Variants in PDE4D observed in about 807,000 individuals in gnomAD.
The protein encoded by PDE4D is 3',5'-cyclic-AMP phosphodiesterase 4D.
A neutral mutation model predicts 87.4 loss-of-function variants in PDE4D; 24 were observed. That is an observed-to-expected ratio of 0.27 (90% CI 0.20 to 0.39). The LOEUF (loss-of-function observed/expected upper bound fraction) is 0.39. Ranked by LOEUF, PDE4D falls within the 10% of genes least tolerant of loss-of-function variation. The probability of loss-of-function intolerance (pLI) is 1.00; values close to 1 mark genes in which losing one functional copy is unlikely to be tolerated. For synonymous variants in PDE4D, 384 were observed against 383.2 expected (o/e 1.00, Z -0.02); for missense variants, 714 against 1,041.0 (o/e 0.69, Z 4.32).
At chr5:60,004,133 A>G (rs1393312910) in intron 2 of PDE4D, among the ~76,000 whole-genome samples, 1 of 152,218 alleles carries the variant, frequency 6.6e-6, no homozygotes, top group Non-Finnish European at 1.5e-5. Flanking sequence ...ATGATACCAA[A>G]AGTGTAGGCA....
intron 5 of PDE4D, among the ~76,000 whole-genome samples, chr5:59,094,033 C>T (rs1346586982): frequency 6.6e-6 from 1 of 151,782 alleles, no homozygotes; most frequent in African/African-American, 2.4e-5. Context: ...CCCTGGCCAA[C>T]ATGGTGAAAC....
chr5:60,446,346 G>A (rs1745641609), intron 1 of PDE4D, among the ~76,000 whole-genome samples: 1 of 152,136 alleles, frequency 6.6e-6, no homozygotes, highest in East Asian at 1.9e-4. Flanking sequence ...TTTTACAGTA[G>A]CAAAATATTT....
intron 1 of PDE4D, among the ~76,000 whole-genome samples, chr5:60,398,287 A>G (rs1392833874): frequency 6.6e-6 from 1 of 152,208 alleles, no homozygotes; most frequent in Non-Finnish European, 1.5e-5. Context: ...TGGCCAAATC[A>G]AGTCAGGGAA....
rs573296868 is a variant in PDE4D at position 60,105,100 on chromosome 5, G to C, written c.42+80457C>G. On this transcript the variant is annotated intron_variant, in intron 2 of 16. Transcript: ENST00000502484. ...GAAAATTCAAACCAAAGGCAAAGAA[G>C]TTGAAAACTTTGAAAAAAATTTAGA... Among the ~76,000 whole-genome samples the C allele has an allele frequency of 2.0e-5, 3 of 152,320 alleles. No individual in the cohort carries two copies. The East Asian group carries it at 5.8e-4, about 29-fold the overall frequency.
At chr5:60,295,821 C>G (rs918367676) in intron 1 of PDE4D, among the ~76,000 whole-genome samples, 1 of 152,136 alleles carries the variant, frequency 6.6e-6, no homozygotes, top group African/African-American at 2.4e-5. Context: ...GTCTTTAGAT[C>G]CCCTTGCCTA....
intron 1 of PDE4D, among the ~76,000 whole-genome samples, chr5:59,672,971 C>G (rs973961069): frequency 6.6e-5 from 10 of 152,174 alleles, no homozygotes; most frequent in African/African-American, 2.4e-4. Context: ...GTTTTTCCAT[C>G]TATAAAAAGG....
At chr5:59,181,699 C>G (rs1741634683) in intron 4 of PDE4D, among the ~76,000 whole-genome samples, 1 of 151,512 alleles carries the variant, frequency 6.6e-6, no homozygotes, top group Non-Finnish European at 1.5e-5. Flanking sequence ...TTACAATAAG[C>G]CTTAAGGAAG....
At chr5:59,478,021 A>G (rs146949295) in intron 1 of PDE4D, among the ~76,000 whole-genome samples, 1 of 152,122 alleles carries the variant, frequency 6.6e-6, no homozygotes, top group East Asian at 1.9e-4. Context: ...CATGGGAACA[A>G]CAGATACTGC....
rs1580540824 is a variant in PDE4D at position 59,703,952 on chromosome 5, G to A, written c.455+189216C>T. Among the ~76,000 whole-genome samples, 4 of 152,232 alleles carry A rather than the reference G, an allele frequency of 2.6e-5. 1 individual carries two copies. Among genetic ancestry groups the A allele is most frequent in the African/African-American group, 9.6e-5 (4 of 41,546 alleles). On this transcript the variant is annotated intron_variant, in intron 1 of 14. Coordinates refer to ENST00000340635, the MANE Select transcript of PDE4D (RefSeq NM_001104631.2). The stretch of plus-strand genomic sequence containing the variant: ...GGAGAAGGAGTCAGAGGTAGAGGCA[G>A]AGAGAGTAAAAGAAAGAGGGAGAAA...
intron 1 of PDE4D, among the ~76,000 whole-genome samples, chr5:59,290,124 C>A (rs188167935): frequency 1.3e-5 from 2 of 151,990 alleles, no homozygotes; most frequent in African/African-American, 4.8e-5. Context: ...AATGTAGTCC[C>A]TATAAAAATA....
At chr5:59,120,533 A>G (rs1483594078) in intron 5 of PDE4D, among the ~76,000 whole-genome samples, 2 of 152,150 alleles carry the variant, frequency 1.3e-5, no homozygotes, top group Non-Finnish European at 2.9e-5. Context: ...AAATTGATAA[A>G]CATCTACTCT....
At chr5:59,844,113 C>G (rs527999065) in intron 1 of PDE4D, among the ~76,000 whole-genome samples, 1 of 152,154 alleles carries the variant, frequency 6.6e-6, no homozygotes, top group African/African-American at 2.4e-5. Context: ...TTTTCAACCT[C>G]TCAAACACCT....
Position 60,054,204 on chromosome 5 carries a change from TA to T in PDE4D, c.43-65488del, listed in dbSNP as rs1368068098. 3.3e-5 allele frequency among the ~76,000 whole-genome samples: 5 copies of T among 152,282 alleles called. No individual in the cohort carries two copies. In the East Asian group the frequency reaches 9.7e-4, roughly 29 times the overall value. On this transcript the variant is annotated intron_variant, in intron 2 of 16. Coordinates refer to the PDE4D transcript ENST00000502484. Reference sequence around the variant, plus strand: ...TACCGGATATATACCCAAAGAAATATAAATCATTCTACTGTAAAGACACATG... The same window carrying T: ...TACCGGATATATACCCAAAGAAATATAATCATTCTACTGTAAAGACACATG...
At chr5:60,255,273 T>A (rs1384189711) in intron 1 of PDE4D, among the ~76,000 whole-genome samples, 1 of 151,894 alleles carries the variant, frequency 6.6e-6, no homozygotes, top group Non-Finnish European at 1.5e-5. Context: ...CTACCTATGA[T>A]CCCTTTGTTC....
At chr5:58,980,080 T>G (rs1409884313) in intron 11 of PDE4D, among the ~76,000 whole-genome samples, 1 of 152,240 alleles carries the variant, frequency 6.6e-6, no homozygotes, top group Admixed American at 6.5e-5. Flanking sequence ...TTTAGGAAGA[T>G]ACTGTTGTTA....
chr5:59,317,442 C>T (rs1773959680), intron 1 of PDE4D, among the ~76,000 whole-genome samples: 1 of 152,132 alleles, frequency 6.6e-6, no homozygotes, highest in Non-Finnish European at 1.5e-5. Context: ...CACCAGCAGG[C>T]TTCCCTAACT....
chr5:59,616,564 G>C (rs1829696975), intron 1 of PDE4D, among the ~76,000 whole-genome samples: 1 of 151,970 alleles, frequency 6.6e-6, no homozygotes. Flanking sequence ...AAATTTCCAA[G>C]TCACCATATA....
intron 2 of PDE4D, among the ~76,000 whole-genome samples, chr5:60,047,540 T>C (rs1271168471): frequency 6.6e-6 from 1 of 152,224 alleles, no homozygotes; most frequent in East Asian, 1.9e-4. Context: ...CTGCTTTGAA[T>C]GCGTCCCAGA....
chr5:59,613,853 A>T (rs776189056), intron 1 of PDE4D, among the ~76,000 whole-genome samples: 4 of 152,230 alleles, frequency 2.6e-5, no homozygotes, highest in Non-Finnish European at 5.9e-5. Flanking sequence ...GAAATCTTCA[A>T]GATTAACTGA....
Sources: allele counts gnomAD v4.1 joint callset (sites outside exome capture counted in the v4.1 genomes callset), GRCh38; gene constraint gnomAD v4.1.1; transcripts MANE v1.5; gene names NCBI Gene and HGNC (gene_info 2026-07-23, HGNC 2026-07-21).